Variants in PRELID2 observed in about 807,000 individuals in gnomAD.
PRELID2 encodes the protein PRELI domain containing 2, also known as PRELI domain-containing protein 2.
Under a neutral mutation model 28.4 loss-of-function variants are expected in PRELID2, and 25 were observed. The ratio of observed to expected loss-of-function variants is 0.88; its 90% CI spans 0.64 to 1.23. PRELID2 has a LOEUF of 1.23. Among genes scored for constraint, PRELID2 ranks in the 50% most tolerant of loss-of-function variants. PRELID2 has a pLI of 0.00. For synonymous variants in PRELID2, 76 were observed against 71.6 expected, an observed-to-expected ratio of 1.06 and a Z score of -0.31; for missense variants, 201 against 214.4, an observed-to-expected ratio of 0.94 and a Z score of 0.39.
At chr5:145,741,007 T>C (rs1214479931) in intron 1 of PRELID2, among the ~76,000 whole-genome samples, 1 of 116,588 alleles carries the variant, frequency 8.6e-6, no homozygotes, top group Non-Finnish European at 1.6e-5. Flanking sequence ...ATATTATATA[T>C]TTGTATACAA....
the PRELID2 span, among the ~76,000 whole-genome samples, chr5:145,397,706 C>G: frequency 6.6e-6 from 1 of 152,224 alleles, no homozygotes; most frequent in South Asian, 2.1e-4. Context: ...TTTGTGAAAG[C>G]CTTTAGGAAA....
chr5:145,612,950 TCCCCTGGGCAG>T (rs905880523), intron 1 of PRELID2, among the ~76,000 whole-genome samples: 18 of 152,198 alleles, frequency 1.2e-4, no homozygotes, highest in African/African-American at 4.3e-4. Flanking sequence ...TGACTTATTT[TCCCCTGGGCAG>T]ATACCCAGTA....
chr5:145,525,281 C>T (rs1752597680), intron 1 of PRELID2, among the ~76,000 whole-genome samples: 1 of 152,134 alleles, frequency 6.6e-6, no homozygotes, highest in African/African-American at 2.4e-5. Context: ...ATCCCCTTTG[C>T]AAAGTTTCTC....
At chr5:145,684,517 T>G (rs61352712) in intron 1 of PRELID2, among the ~76,000 whole-genome samples, 10,835 of 152,282 alleles carry the variant, frequency 0.071, 566 homozygotes, top group Admixed American at 0.18. Context: ...ATTTTGTGCT[T>G]GCCCATGTGC....
At chr5:145,748,233 C>T (rs1393162264) in intron 1 of PRELID2, among the ~76,000 whole-genome samples, 1 of 152,166 alleles carries the variant, frequency 6.6e-6, no homozygotes, top group Non-Finnish European at 1.5e-5. Flanking sequence ...CGTTTGCAGA[C>T]GACATGATTT....
At chr5:145,593,628 G>A (rs1457706861) in intron 1 of PRELID2, among the ~76,000 whole-genome samples, 2 of 152,160 alleles carry the variant, frequency 1.3e-5, no homozygotes, top group Non-Finnish European at 2.9e-5. Flanking sequence ...GAAGAGGAAA[G>A]GCAAAGAGAA....
At position 145,807,347 on chromosome 5, in the gene PRELID2, C is replaced by T. The variant is rs181092002; in HGVS notation, c.368+10547G>A. Among the ~76,000 whole-genome samples the T allele has an allele frequency of 3.9e-4, 60 of 152,294 alleles. No individual in the cohort carries two copies. In the East Asian group the frequency reaches 0.011, roughly 27 times the overall value. On this transcript the variant is annotated intron_variant, in intron 4 of 6. Transcript: ENST00000683046. ...ATTATCATTTCCCTTTTCAACAAAA[C>T]AGCTTACTCTACTTTTCAAAATTAG... is the stretch of plus-strand genomic sequence containing the variant.
At chr5:145,240,719 G>A in the PRELID2 span, among the ~76,000 whole-genome samples, 7 of 152,098 alleles carry the variant, frequency 4.6e-5, no homozygotes, top group Middle Eastern at 3.4e-3. Context: ...AAAGGCTCCT[G>A]TTGCTTATGA....
At chr5:145,242,685 C>A in the PRELID2 span, among the ~76,000 whole-genome samples, 1 of 152,034 alleles carries the variant, frequency 6.6e-6, no homozygotes, top group African/African-American at 2.4e-5. Flanking sequence ...TTGACCTAAT[C>A]CCAGCTTGCA....
At chr5:145,287,094 T>C in the PRELID2 span, among the ~76,000 whole-genome samples, 1 of 152,190 alleles carries the variant, frequency 6.6e-6, no homozygotes, top group East Asian at 1.9e-4. Context: ...CATTTTACTT[T>C]AAAATATAGT....
chr5:145,395,888 C>A, the PRELID2 span, among the ~76,000 whole-genome samples: 5 of 152,218 alleles, frequency 3.3e-5, no homozygotes, highest in African/African-American at 1.2e-4. Context: ...CACTAAGTTA[C>A]CTTCTGGTGC....
the PRELID2 span, among the ~76,000 whole-genome samples, chr5:145,316,086 G>A: frequency 6.6e-6 from 1 of 152,162 alleles, no homozygotes; most frequent in African/African-American, 2.4e-5. Flanking sequence ...TGTCAGATAT[G>A]TAGCTTGAAA....
intron 1 of PRELID2, among the ~76,000 whole-genome samples, chr5:145,827,535 T>G (rs551297652): frequency 6.6e-6 from 1 of 152,190 alleles, no homozygotes; most frequent in African/African-American, 2.4e-5. Context: ...AAGATCCTTC[T>G]GGCCAGGAAA....
At chr5:145,797,485 G>A (rs1752839645) in intron 4 of PRELID2, among the ~76,000 whole-genome samples, 1 of 152,138 alleles carries the variant, frequency 6.6e-6, no homozygotes, top group Non-Finnish European at 1.5e-5. Flanking sequence ...GTCTTTAAGA[G>A]GGGCATGACT....
At chr5:145,418,361 T>A in the PRELID2 span, among the ~76,000 whole-genome samples, 2 of 152,072 alleles carry the variant, frequency 1.3e-5, no homozygotes, top group African/African-American at 4.8e-5. Flanking sequence ...CTACCATTTA[T>A]ATTCTTCACA....
At chr5:145,347,241 C>A in the PRELID2 span, among the ~76,000 whole-genome samples, 4 of 152,128 alleles carry the variant, frequency 2.6e-5, no homozygotes, top group East Asian at 3.8e-4. Flanking sequence ...CCAAGCCTGG[C>A]CTTCAGGCTG....
At chr5:145,345,329 T>C in the PRELID2 span, among the ~76,000 whole-genome samples, 2 of 145,100 alleles carry the variant, frequency 1.4e-5, no homozygotes, top group African/African-American at 5.0e-5. Context: ...TTCTGCTTGC[T>C]AGTCTACTGA....
chr5:145,301,640 C>G, the PRELID2 span, among the ~76,000 whole-genome samples: 2 of 152,074 alleles, frequency 1.3e-5, no homozygotes, highest in South Asian at 2.1e-4. Flanking sequence ...ATTCTTAGCT[C>G]TTATGTTTAT....
chr5:145,789,097 C>A (rs996121562), intron 5 of PRELID2, among the ~76,000 whole-genome samples: 1 of 152,116 alleles, frequency 6.6e-6, no homozygotes. Context: ...AGATTCAATG[C>A]AATCTCTATC....
Sources: allele counts gnomAD v4.1 joint callset (sites outside exome capture counted in the v4.1 genomes callset), GRCh38; gene constraint gnomAD v4.1.1; transcripts MANE v1.5; gene names NCBI Gene and HGNC (gene_info 2026-07-23, HGNC 2026-07-21).